Variants in OPCML observed in about 807,000 individuals in gnomAD.
OPCML encodes the protein opioid binding protein/cell adhesion molecule like, also known as opioid-binding protein/cell adhesion molecule.
A neutral mutation model predicts 37.8 loss-of-function variants in OPCML; 13 were observed. That is an observed-to-expected ratio of 0.34 (90% CI 0.22 to 0.55). The LOEUF (loss-of-function observed/expected upper bound fraction) is 0.55. Ranked by LOEUF, OPCML falls within the 20% of genes least tolerant of loss-of-function variation. The probability of loss-of-function intolerance (pLI) is 0.91; values close to 1 mark genes in which losing one functional copy is unlikely to be tolerated. For missense variants in OPCML, 341 were observed against 435.6 expected (o/e 0.78, Z 1.93); for synonymous variants, 176 against 168.8 (o/e 1.04, Z -0.33).
chr11:133,482,247 T>C (rs1439036257), intron 1 of OPCML, among the ~76,000 whole-genome samples: 11 of 152,048 alleles, frequency 7.2e-5, no homozygotes, highest in African/African-American at 2.7e-4. Context: ...AACGGTGTCA[T>C]CAGTGACATG....
intron 2 of OPCML, among the ~76,000 whole-genome samples, chr11:132,843,399 T>A: frequency 6.6e-6 from 1 of 152,144 alleles, no homozygotes. Flanking sequence ...AAGGTGGGCA[T>A]CCAGTCACCT....
intron 2 of OPCML, among the ~76,000 whole-genome samples, chr11:132,919,738 A>G (rs1944726779): frequency 1.3e-5 from 2 of 152,174 alleles, no homozygotes; most frequent in Non-Finnish European, 2.9e-5. Context: ...CGGAATTACA[A>G]GCTTTTTAAA....
At chr11:133,305,644 G>T (rs1942896523) in intron 1 of OPCML, among the ~76,000 whole-genome samples, 1 of 152,062 alleles carries the variant, frequency 6.6e-6, no homozygotes, top group Non-Finnish European at 1.5e-5. Flanking sequence ...TTTACATTAG[G>T]GTTCCCCTCC....
chr11:132,551,797 T>C (rs1045177382), intron 3 of OPCML, among the ~76,000 whole-genome samples: 3 of 152,184 alleles, frequency 2.0e-5, no homozygotes. Context: ...CCTGAATGCC[T>C]GAGGAGACCG....
rs554182916 is a variant in OPCML at position 132,757,469 on chromosome 11, C to A, written c.147-100150G>T. ...ACATCCTCTCCAGCATCCGTTGTTT[C>A]CTGACTTTTTAATGATTGCCATTCT... On this transcript the variant is annotated intron_variant, in intron 2 of 7. Coordinates refer to ENST00000524381, the MANE Select transcript of OPCML (RefSeq NM_001012393.5). 3.3e-5 allele frequency among the ~76,000 whole-genome samples: 5 copies of A among 152,302 alleles called. No individual in the cohort carries two copies. The South Asian group carries it at 1.0e-3, about 32-fold the overall frequency.
chr11:132,460,754 C>A (rs1235728010), intron 4 of OPCML, among the ~76,000 whole-genome samples: 2 of 152,164 alleles, frequency 1.3e-5, no homozygotes, highest in Non-Finnish European at 2.9e-5. Flanking sequence ...ACAAAGACGA[C>A]CTTGAGTCAT....
intron 1 of OPCML, among the ~76,000 whole-genome samples, chr11:133,395,251 C>T (rs937839893): frequency 6.6e-6 from 1 of 152,126 alleles, no homozygotes; most frequent in Non-Finnish European, 1.5e-5. Flanking sequence ...GTTGTTTGAG[C>T]TCCTTATATA....
At chr11:132,820,087 GAATGAATGAA>G (rs61167241) in intron 2 of OPCML, among the ~76,000 whole-genome samples, 38,830 of 151,910 alleles carry the variant, frequency 0.26, 5,746 homozygotes, top group East Asian at 0.56. Flanking sequence ...ATGAATGAAT[GAATGAATGAA>G]TGAATGAAAG....
At chr11:133,223,061 AC>A (rs918715027) in intron 1 of OPCML, among the ~76,000 whole-genome samples, 1 of 152,160 alleles carries the variant, frequency 6.6e-6, no homozygotes, top group Non-Finnish European at 1.5e-5. Flanking sequence ...GGCAGCCCTC[AC>A]CCCAACCAGT....
Position 132,993,538 on chromosome 11 carries a change from G to A in OPCML, c.62-50528C>T, listed in dbSNP as rs73586495. Among the ~76,000 whole-genome samples, 1,395 of 152,270 alleles carry A rather than the reference G, an allele frequency of 9.2e-3. 18 individuals carry two copies. Among genetic ancestry groups the A allele is most frequent in the African/African-American group, 0.032 (1,328 of 41,568 alleles). On this transcript the variant is annotated intron_variant, in intron 1 of 7. Coordinates refer to ENST00000524381, the MANE Select transcript of OPCML (RefSeq NM_001012393.5). ...ACCCTCCATGAATGACACCAGGCAG[G>A]AAGGACTCATTTCATTTTCTTCATG...
At chr11:132,898,853 G>A (rs964922707) in intron 2 of OPCML, among the ~76,000 whole-genome samples, 10 of 124,528 alleles carry the variant, frequency 8.0e-5, no homozygotes, top group East Asian at 6.5e-4. Context: ...CCCCACCCCC[G>A]CAGCCACTTT....
chr11:132,605,771 G>C (rs73049179), intron 3 of OPCML, among the ~76,000 whole-genome samples: 2 of 151,996 alleles, frequency 1.3e-5, no homozygotes, highest in South Asian at 4.2e-4. Flanking sequence ...CAACCTCCTT[G>C]AGAACACAGG....
intron 2 of OPCML, among the ~76,000 whole-genome samples, chr11:132,658,276 A>G (rs1015044378): frequency 1.3e-5 from 2 of 152,244 alleles, no homozygotes; most frequent in African/African-American, 4.8e-5. Flanking sequence ...ATGTCCTGGC[A>G]GAGAGAGGAG....
chr11:132,441,389 C>T (rs2096034557), intron 4 of OPCML, among the ~76,000 whole-genome samples: 2 of 151,432 alleles, frequency 1.3e-5, no homozygotes, highest in Admixed American at 1.3e-4. Flanking sequence ...GGGATGGTCT[C>T]GATCTCCTGA....
intron 3 of OPCML, among the ~76,000 whole-genome samples, chr11:132,644,232 C>G (rs1014471396): frequency 1.3e-5 from 2 of 151,990 alleles, no homozygotes; most frequent in Non-Finnish European, 2.9e-5. Flanking sequence ...ACAAAAATAG[C>G]TGGGTGTGGT....
chr11:133,004,574 C>T, intron 1 of OPCML: 1 of 985,480 alleles, frequency 1.0e-6, no homozygotes, highest in Non-Finnish European at 1.2e-6. Flanking sequence ...AATGCCCATG[C>T]AGGCACTGCT....
At chr11:132,639,559 C>A (rs757820982) in intron 3 of OPCML, among the ~76,000 whole-genome samples, 1 of 152,166 alleles carries the variant, frequency 6.6e-6, no homozygotes, top group Non-Finnish European at 1.5e-5. Flanking sequence ...TTCCTGAATC[C>A]GAACACAATC....
At chr11:132,673,941 C>T (rs1434557277) in intron 2 of OPCML, among the ~76,000 whole-genome samples, 6 of 152,176 alleles carry the variant, frequency 3.9e-5, no homozygotes, top group African/African-American at 1.2e-4. Flanking sequence ...TAGCAATTTA[C>T]CCTGAGGCCT....
intron 1 of OPCML, among the ~76,000 whole-genome samples, chr11:132,980,019 G>A (rs1192580580): frequency 6.6e-6 from 1 of 152,208 alleles, no homozygotes; most frequent in African/African-American, 2.4e-5. Flanking sequence ...AGAGGTTATT[G>A]CCCTTAAGGA....
Sources: gnomAD v4.1 joint callset for allele counts (sites outside exome capture counted in the v4.1 genomes callset) on GRCh38, gnomAD v4.1.1 for gene constraint, MANE v1.5 for transcripts, NCBI Gene and HGNC (gene_info 2026-07-23, HGNC 2026-07-21) for gene names.